ZP3: variants seen among roughly 807,000 people sequenced by gnomAD.
ZP3 encodes zona pellucida glycoprotein 3.
Under a neutral mutation model 35.6 loss-of-function variants are expected in ZP3, and 21 were observed. The ratio of observed to expected loss-of-function variants is 0.59; its 90% confidence interval spans 0.42 to 0.85. The LOEUF is 0.85. Ranked by LOEUF, ZP3 falls within the 40% of genes least tolerant of loss-of-function variation. The pLI is 0.00. For synonymous variants in ZP3, 207 were observed against 214.5 expected, an observed-to-expected ratio of 0.96 and a Z score of 0.31; for missense variants, 437 against 536.5, an observed-to-expected ratio of 0.81 and a Z score of 1.83.
At chr7:76,406,488 T>G (rs1380453760) in intron 1 of ZP3, among the ~76,000 whole-genome samples, 1 of 151,986 alleles carries the variant, frequency 6.6e-6, no homozygotes, top group Non-Finnish European at 1.5e-5. Context: ...AATTTTTTTA[T>G]TTTTTATTTT....
At chr7:76,427,814 G>T (rs1805710936) in intron 1 of ZP3, among the ~76,000 whole-genome samples, 1 of 152,104 alleles carries the variant, frequency 6.6e-6, no homozygotes, top group Admixed American at 6.6e-5. Flanking sequence ...GAATAGCTGG[G>T]ATGGACTACA....
At chr7:76,423,007 A>AAGAGAGAGAG (rs747350112), upstream of ZP3, among the ~76,000 whole-genome samples, 693 of 76,060 alleles carry the variant, frequency 9.1e-3, 30 homozygotes, top group East Asian at 0.034. Flanking sequence ...AAAAGAAAGA[A>AAGAGAGAGAG]AGAGAGAGAG....
intron 1 of ZP3, among the ~76,000 whole-genome samples, chr7:76,426,882 A>ACC (rs1805675723): frequency 1.7e-5 from 2 of 115,720 alleles, no homozygotes; most frequent in South Asian, 6.4e-4. Flanking sequence ...CACCACACAC[A>ACC]CACACACACA....
rs1384280590 is a variant in ZP3 at position 76,415,150 on chromosome 7, C to T, written c.-66-9902C>T. Among the ~76,000 whole-genome samples, 3 of 151,270 alleles carry T rather than the reference C, an allele frequency of 2.0e-5. 1 individual carries two copies. Among genetic ancestry groups the T allele is most frequent in the Non-Finnish European group, 4.4e-5 (3 of 67,874 alleles). On this transcript the variant is annotated intron_variant, in intron 1 of 8. Coordinates refer to the ZP3 transcript ENST00000336517. Reference sequence around the variant, plus strand: ...CAGCACTTTGGAAGGCCGAGGTGGGCGGATCACGTGAGGTCAGGAATTCAA... The same window carrying T: ...CAGCACTTTGGAAGGCCGAGGTGGGTGGATCACGTGAGGTCAGGAATTCAA...
chr7:76,400,451 C>A, intron 1 of ZP3: 3 of 1,608,668 alleles, frequency 1.9e-6, no homozygotes, highest in Non-Finnish European at 2.5e-6. Flanking sequence ...ACGGGCAGTG[C>A]CAGGCCACAG....
At chr7:76,426,453 C>T (rs942355244) in intron 1 of ZP3, among the ~76,000 whole-genome samples, 21 of 152,186 alleles carry the variant, frequency 1.4e-4, no homozygotes, top group Non-Finnish European at 2.9e-5. Context: ...GGGATGGGGG[C>T]AAGTCCAGCC....
chr7:76,404,628 A>G (rs1804941053), intron 1 of ZP3: 2 of 765,462 alleles, frequency 2.6e-6, no homozygotes, highest in Non-Finnish European at 4.1e-6. Flanking sequence ...CCCCATCTCT[A>G]CAAAAAGTTT....
At chr7:76,406,635 C>T (rs958535468) in intron 1 of ZP3, among the ~76,000 whole-genome samples, 1 of 151,958 alleles carries the variant, frequency 6.6e-6, no homozygotes, top group Non-Finnish European at 1.5e-5. Flanking sequence ...AGGCTTGCAC[C>T]ACCACACCCA....
At chr7:76,437,851 C>T (rs866597372) in intron 5 of ZP3, among the ~76,000 whole-genome samples, 1 of 152,202 alleles carries the variant, frequency 6.6e-6, no homozygotes, top group Non-Finnish European at 1.5e-5. Flanking sequence ...GGATCTTAGA[C>T]TCCAGTTAGC....
chr7:76,423,025 G>GAAAGAAAGAAAGAAAGAAAGAA (rs1554624492), upstream of ZP3, among the ~76,000 whole-genome samples: 8 of 75,850 alleles, frequency 1.1e-4, no homozygotes, highest in Non-Finnish European at 1.4e-4. Flanking sequence ...GAGAGAGAGA[G>GAAAGAAAGAAAGAAAGAAAGAA]AGAAAGAAAG....
intron 1 of ZP3, among the ~76,000 whole-genome samples, chr7:76,415,562 C>G (rs189746371): frequency 6.6e-6 from 1 of 150,850 alleles, no homozygotes; most frequent in Admixed American, 6.6e-5. Context: ...GGCACAGTCT[C>G]GGCTCACTGC....
In ZP3 at chr7:76,433,861, G is replaced by C. The variant is rs564988664; in HGVS notation, c.714-177G>C. ...TTACAGGTGCCCATCACCATGCCTG[G>C]CTAATTTTTGTATTTTTAGTAGAGA... On this transcript the variant is annotated intron_variant, in intron 4 of 7. Coordinates refer to ENST00000394857, the MANE Select transcript of ZP3 (RefSeq NM_001110354.2). 4.4e-6 allele frequency: 5 copies of C among 1,133,752 alleles called. No homozygotes were observed. In the African/African-American group the frequency reaches 7.8e-5, roughly 18 times the overall value. The allele number at this position is 1,133,752 out of a possible 1,614,324, so 70.2% of individuals were successfully genotyped here.
At chr7:76,419,859 G>A (rs1454015019) in intron 1 of ZP3, among the ~76,000 whole-genome samples, 6 of 144,340 alleles carry the variant, frequency 4.2e-5, no homozygotes, top group Non-Finnish European at 7.5e-5. Flanking sequence ...GTGCAGTGGC[G>A]CAATCTTGGC....
chr7:76,423,403 G>A (rs1486454508), upstream of ZP3, among the ~76,000 whole-genome samples: 2 of 152,164 alleles, frequency 1.3e-5, no homozygotes, highest in African/African-American at 2.4e-5. Flanking sequence ...TGGTTGCCAT[G>A]GTTATCTTGA....
chr7:76,432,969 G>A lies in ZP3; in HGVS notation c.474G>A (p.Leu158=). Reference sequence around the variant, plus strand: ...GCCAGGCCATCCTGCCCACCTGGTTGCCCTTCAGGACCACGGTGTTCTCAG... The same window carrying A: ...GCCAGGCCATCCTGCCCACCTGGTTACCCTTCAGGACCACGGTGTTCTCAG... ...VSSQAILPTW[L]PFRTTVFSEE... Residue 158 remains leucine, a synonymous_variant, in exon 3 of 8, where the codon TTG becomes TTA. Transcript: ENST00000394857. 1 of 1,614,158 alleles carries A rather than the reference G, an allele frequency of 6.2e-7. No individual in the cohort carries two copies. Among genetic ancestry groups the A allele is most frequent in the Non-Finnish European group, 8.5e-7 (1 of 1,180,034 alleles).
At chr7:76,435,398 G>T (rs554008293) in intron 5 of ZP3, among the ~76,000 whole-genome samples, 2 of 152,226 alleles carry the variant, frequency 1.3e-5, no homozygotes, top group African/African-American at 4.8e-5. Context: ...CAGGTGATCC[G>T]CCTGCCTCGG....
chr7:76,433,071 T>A (rs1222562124), intron 3 of ZP3, 41 bp downstream of exon 3: 1 of 1,533,504 alleles, frequency 6.5e-7, no homozygotes. Context: ...TGGAAAGACC[T>A]GGGCCATCTC....
chr7:76,422,764 G>A (rs940701400), upstream of ZP3, among the ~76,000 whole-genome samples: 1 of 151,342 alleles, frequency 6.6e-6, no homozygotes, highest in Middle Eastern at 3.2e-3. Context: ...TTGGGAGGCC[G>A]AGGAGGGAGA....
At chr7:76,434,878 G>A (rs59489013) in intron 5 of ZP3, among the ~76,000 whole-genome samples, 533 of 149,800 alleles carry the variant, frequency 3.6e-3, no homozygotes, top group African/African-American at 0.013. Flanking sequence ...TGTTGGTTCT[G>A]CCAGTCTGGG....
Sources: allele counts gnomAD v4.1 joint callset (sites outside exome capture counted in the v4.1 genomes callset), GRCh38; gene constraint gnomAD v4.1.1; transcripts MANE v1.5; gene names NCBI Gene and HGNC (gene_info 2026-07-23, HGNC 2026-07-21).